The following MTREX variants were observed in gnomAD, a reference collection of about 807,000 sequenced individuals.
MTREX encodes exosome RNA helicase MTR4.
In MTREX, 76 loss-of-function variants were observed where a neutral mutation model predicts 135.4. The ratio of observed to expected loss-of-function variants is 0.56; its 90% CI spans 0.47 to 0.68. The LOEUF is 0.68. Ranked by LOEUF, MTREX falls within the 30% of genes least tolerant of loss-of-function variation. The probability of loss-of-function intolerance (pLI) is 0.00; values close to 1 mark genes in which losing one functional copy is unlikely to be tolerated. For missense variants in MTREX, 920 were observed against 1,262.1 expected, an observed-to-expected ratio of 0.73 and a Z score of 4.11; for synonymous variants, 404 against 401.6, an observed-to-expected ratio of 1.01 and a Z score of -0.07.
chr5:55,325,762 AC>A (rs1291282208), intron 3 of MTREX, among the ~76,000 whole-genome samples: 1 of 151,412 alleles, frequency 6.6e-6, no homozygotes, highest in African/African-American at 2.4e-5. Context: ...TAGTTTTTCA[AC>A]CCTTTCCCAC....
chr5:55,318,778 G>A (rs561417105), intron 1 of MTREX, among the ~76,000 whole-genome samples: 1 of 151,032 alleles, frequency 6.6e-6, no homozygotes, highest in Non-Finnish European at 1.5e-5. Flanking sequence ...AGTTTAAAAA[G>A]ACCAAATACT....
chr5:55,405,299 G>A, intron 21 of MTREX, 126 bp from the exon 22 acceptor site: 6 of 761,398 alleles, frequency 7.9e-6, no homozygotes, highest in Non-Finnish European at 1.0e-5. Context: ...CAGCACTGAA[G>A]CTTTAACCCA....
chr5:55,410,725 A>ATAT (rs1750873331), intron 23 of MTREX, 96 bp downstream of exon 23: 2 of 605,298 alleles, frequency 3.3e-6, no homozygotes, highest in South Asian at 7.1e-5. Context: ...TAATATTTAC[A>ATAT]TATTATAAGG....
chr5:55,413,168 G>A (rs564123481), intron 23 of MTREX, among the ~76,000 whole-genome samples: 12 of 151,812 alleles, frequency 7.9e-5, no homozygotes, highest in South Asian at 2.1e-4. Context: ...GTGAAACCCC[G>A]TCTCTACTAA....
intron 25 of MTREX, among the ~76,000 whole-genome samples, chr5:55,419,799 C>T (rs1207708877): frequency 6.6e-6 from 1 of 151,976 alleles, no homozygotes; most frequent in Non-Finnish European, 1.5e-5. Flanking sequence ...TTTTTTCAGT[C>T]CTGCTCCCTC....
intron 5 of MTREX, among the ~76,000 whole-genome samples, chr5:55,339,664 G>A (rs1406757047): frequency 2.6e-5 from 4 of 152,184 alleles, no homozygotes; most frequent in African/African-American, 9.7e-5. Context: ...ATAAGCACTT[G>A]ATCATCTGTA....
chr5:55,322,896 C>T (rs1051574684), intron 2 of MTREX, among the ~76,000 whole-genome samples: 1 of 152,096 alleles, frequency 6.6e-6, no homozygotes, highest in Non-Finnish European at 1.5e-5. Flanking sequence ...AAGACTCCTG[C>T]TATGGGTATC....
At chr5:55,380,863 G>C (rs897401155) in intron 18 of MTREX, among the ~76,000 whole-genome samples, 1 of 152,134 alleles carries the variant, frequency 6.6e-6, no homozygotes, top group African/African-American at 2.4e-5. Context: ...TTTTTTGGAA[G>C]AGGTTTTGAA....
At chr5:55,369,276 G>A (rs1750156311) in intron 16 of MTREX, among the ~76,000 whole-genome samples, 1 of 152,118 alleles carries the variant, frequency 6.6e-6, no homozygotes, top group African/African-American at 2.4e-5. Context: ...ACAGGTGTAA[G>A]ATTACAAGCT....
chr5:55,310,933 A>G (rs542973994), intron 1 of MTREX, among the ~76,000 whole-genome samples: 3 of 151,592 alleles, frequency 2.0e-5, no homozygotes, highest in African/African-American at 7.3e-5. Context: ...ACACACCACC[A>G]TATCGGGCTA....
At chr5:55,366,459 A>G (rs1196880197) in intron 15 of MTREX, among the ~76,000 whole-genome samples, 1 of 152,136 alleles carries the variant, frequency 6.6e-6, no homozygotes, top group Non-Finnish European at 1.5e-5. Flanking sequence ...GGGGGACCAC[A>G]AAGAGCAATC....
At chr5:55,332,277 T>C (rs1424741376) in intron 5 of MTREX, among the ~76,000 whole-genome samples, 2 of 150,582 alleles carry the variant, frequency 1.3e-5, no homozygotes, top group African/African-American at 5.0e-5. Flanking sequence ...CTGTTGTAGA[T>C]TGACTCTTTT....
intron 19 of MTREX, among the ~76,000 whole-genome samples, chr5:55,397,157 A>G (rs772350785): frequency 6.6e-6 from 1 of 152,170 alleles, no homozygotes; most frequent in African/African-American, 2.4e-5. Flanking sequence ...TGCATTCTGT[A>G]TTGAGGGGAG....
intron 2 of MTREX, among the ~76,000 whole-genome samples, chr5:55,323,353 A>G (rs1236295380): frequency 6.6e-6 from 1 of 152,170 alleles, no homozygotes. Flanking sequence ...TCTTCAGTTT[A>G]TCCAGTTTTG....
intron 6 of MTREX, among the ~76,000 whole-genome samples, chr5:55,341,201 G>T (rs756926015): frequency 1.4e-4 from 21 of 152,094 alleles, no homozygotes. Context: ...AAAAATTAGG[G>T]TAACAGTTGC....
intron 19 of MTREX, among the ~76,000 whole-genome samples, chr5:55,391,362 G>A (rs979494382): frequency 6.6e-5 from 10 of 152,124 alleles, no homozygotes; most frequent in African/African-American, 1.9e-4. Context: ...TGGGAGGATC[G>A]TTTGAGCCCA....
chr5:55,308,671 A>T (rs985046417), intron 1 of MTREX, among the ~76,000 whole-genome samples: 18 of 152,164 alleles, frequency 1.2e-4, no homozygotes, highest in Non-Finnish European at 2.4e-4. Flanking sequence ...AGTGCCTAAC[A>T]GTGGTTAGCT....
intron 21 of MTREX, among the ~76,000 whole-genome samples, chr5:55,404,719 A>T (rs1218057938): frequency 6.6e-6 from 1 of 151,738 alleles, no homozygotes; most frequent in Non-Finnish European, 1.5e-5. Flanking sequence ...TGTCTAGCTC[A>T]CAATATCCAG....
Position 55,425,123 on chromosome 5 carries a change from G to GAAGA in MTREX, c.*356_*359dup, listed in dbSNP as rs1751138135. 6.7e-7 allele frequency: 1 copy of GAAGA among 1,497,708 alleles called. No individual in the cohort carries two copies. Among genetic ancestry groups the GAAGA allele is most frequent in the Non-Finnish European group, 9.0e-7 (1 of 1,109,984 alleles). 92.8% of individuals were successfully genotyped at this position (1,497,708 alleles called of 1,614,324 possible). On this transcript the variant is annotated 3_prime_UTR_variant, in exon 27 of 27. Transcript: ENST00000230640. ...AAGTCTTTAAAGGCTTGTACACCAG[G>GAAGA]AAGAAAGATGCATCCTCTTGCCTTG...
Sources: gnomAD v4.1 joint callset for allele counts (sites outside exome capture counted in the v4.1 genomes callset) on GRCh38, gnomAD v4.1.1 for gene constraint, MANE v1.5 for transcripts, NCBI Gene and HGNC (gene_info 2026-07-23, HGNC 2026-07-21) for gene names.